CLSTN2: variants seen among roughly 807,000 people sequenced by gnomAD.
The protein encoded by CLSTN2 is calsyntenin-2.
CLSTN2 carries 48 observed loss-of-function variants against 101.2 expected under a neutral mutation model. The observed-to-expected ratio is 0.47, with a 90% CI of 0.38 to 0.60. The LOEUF (loss-of-function observed/expected upper bound fraction) is 0.60. Ranked by LOEUF, CLSTN2 falls within the 20% of genes least tolerant of loss-of-function variation. CLSTN2 has a pLI of 0.00. For missense variants in CLSTN2, 1,160 were observed against 1,238.2 expected, an observed-to-expected ratio of 0.94 and a Z score of 0.95; for synonymous variants, 481 against 463.6, an observed-to-expected ratio of 1.04 and a Z score of -0.48.
intron 4 of CLSTN2, among the ~76,000 whole-genome samples, chr3:140,407,389 G>A (rs913279831): frequency 6.6e-6 from 1 of 152,062 alleles, no homozygotes; most frequent in African/African-American, 2.4e-5. Flanking sequence ...ACACAATGTG[G>A]AGTCAACCTG....
chr3:140,344,460 G>T (rs551493444), intron 2 of CLSTN2, among the ~76,000 whole-genome samples: 1 of 152,278 alleles, frequency 6.6e-6, no homozygotes, highest in Non-Finnish European at 1.5e-5. Context: ...AGGAGAGTGT[G>T]TAAATATTTC....
chr3:140,340,021 C>T (rs748842315), intron 2 of CLSTN2, among the ~76,000 whole-genome samples: 8 of 152,126 alleles, frequency 5.3e-5, no homozygotes, highest in Non-Finnish European at 4.4e-5. Context: ...TGAAAATGAG[C>T]GCATGATCTT....
chr3:140,427,137 C>T (rs1487501252), intron 5 of CLSTN2, among the ~76,000 whole-genome samples: 1 of 139,860 alleles, frequency 7.2e-6, no homozygotes, highest in Admixed American at 7.1e-5. Flanking sequence ...TAGTGCGCCA[C>T]TGCACTCCTG....
intron 1 of CLSTN2, among the ~76,000 whole-genome samples, chr3:140,159,634 T>C (rs1011317923): frequency 2.0e-5 from 3 of 152,136 alleles, no homozygotes; most frequent in Middle Eastern, 6.8e-3. Flanking sequence ...AAAACAGAGG[T>C]ACCATTCGAC....
intron 2 of CLSTN2, among the ~76,000 whole-genome samples, chr3:140,259,516 T>A (rs2086632224): frequency 6.6e-6 from 1 of 152,094 alleles, no homozygotes; most frequent in East Asian, 1.9e-4. Flanking sequence ...ATATTTAAAG[T>A]ATGCAATTTG....
At chr3:140,266,392 G>C (rs557544513) in intron 2 of CLSTN2, among the ~76,000 whole-genome samples, 33 of 152,290 alleles carry the variant, frequency 2.2e-4, no homozygotes, top group Admixed American at 8.5e-4. Flanking sequence ...GATAGTAGTG[G>C]TTGTCTTGAT....
At chr3:139,996,974 G>GAGGTGGA (rs1314632266) in intron 1 of CLSTN2, among the ~76,000 whole-genome samples, 1 of 150,896 alleles carries the variant, frequency 6.6e-6, no homozygotes, top group East Asian at 2.0e-4. Context: ...TTGAACCCAG[G>GAGGTGGA]AGGCGGAAGT....
chr3:139,972,772 C>T (rs766279593), intron 1 of CLSTN2, among the ~76,000 whole-genome samples: 22 of 152,214 alleles, frequency 1.4e-4, no homozygotes, highest in African/African-American at 3.9e-4. Flanking sequence ...TGCTGCCTTC[C>T]GCCAGGAAGA....
chr3:140,074,461 T>C lies in CLSTN2; in HGVS notation c.110-101490T>C, dbSNP rs1247223585. Among the ~76,000 whole-genome samples the C allele has an allele frequency of 2.0e-5, 3 of 152,280 alleles. No individual in the cohort carries two copies. In the East Asian group the frequency reaches 5.8e-4, roughly 29 times the overall value. On this transcript the variant is annotated intron_variant, in intron 1 of 16. Transcript: ENST00000458420. ...GCTTAATAAATGACTGCCGAGCAGA[T>C]GGAGAGATGAGGGATGCCTTATTGT...
intron 1 of CLSTN2, among the ~76,000 whole-genome samples, chr3:140,161,718 C>T (rs2010049948): frequency 6.6e-6 from 1 of 151,924 alleles, no homozygotes; most frequent in Non-Finnish European, 1.5e-5. Context: ...TCCCCACTCT[C>T]TTCCTCCCCT....
intron 1 of CLSTN2, among the ~76,000 whole-genome samples, chr3:140,146,550 A>T (rs1281110614): frequency 6.6e-6 from 1 of 152,246 alleles, no homozygotes; most frequent in Non-Finnish European, 1.5e-5. Flanking sequence ...CAGGTAGGTA[A>T]TTCAGAGGAA....
Position 140,135,087 on chromosome 3 carries a change from A to ACACACACACAC in CLSTN2, c.110-40864_110-40863insCACACACACAC, listed in dbSNP as rs1553801553. On this transcript the variant is annotated intron_variant, in intron 1 of 16. Coordinates refer to ENST00000458420, the MANE Select transcript of CLSTN2 (RefSeq NM_022131.3). ...AGTCCAGGGTGATGCCTCTCAAAAA[A>ACACACACACAC]ACACACACACACACACACACACACA... 4.9e-4 allele frequency among the ~76,000 whole-genome samples: 25 copies of ACACACACACAC among 51,416 alleles called. 1 individual carries two copies. Among genetic ancestry groups the ACACACACACAC allele is most frequent in the Middle Eastern group, 0.017 (1 of 58 alleles). The allele number at this position is 51,416 out of a possible 152,430, so 33.7% of individuals were successfully genotyped here. A position where few individuals can be genotyped will look rare whatever the true frequency, so the allele number is the denominator to read the frequency against.
chr3:140,483,701 C>T (rs1482699420), intron 8 of CLSTN2, among the ~76,000 whole-genome samples: 1 of 151,980 alleles, frequency 6.6e-6, no homozygotes, highest in Non-Finnish European at 1.5e-5. Flanking sequence ...TATGTAATGG[C>T]CTTCTTTGTC....
intron 8 of CLSTN2, among the ~76,000 whole-genome samples, chr3:140,488,575 C>A (rs1934282470): frequency 6.8e-6 from 1 of 148,058 alleles, no homozygotes; most frequent in South Asian, 2.1e-4. Context: ...AGATGACTGA[C>A]TGAGATTTAG....
intron 1 of CLSTN2, among the ~76,000 whole-genome samples, chr3:140,088,360 G>A (rs2008714202): frequency 6.6e-6 from 1 of 152,138 alleles, no homozygotes; most frequent in Admixed American, 6.5e-5. Context: ...CTTCATTCTT[G>A]TGCAGACCAC....
At chr3:139,939,893 C>A (rs188666010) in intron 1 of CLSTN2, among the ~76,000 whole-genome samples, 1 of 152,336 alleles carries the variant, frequency 6.6e-6, no homozygotes, top group Admixed American at 6.5e-5. Context: ...CATCCTGAAA[C>A]GCCTGTGGTT....
chr3:140,564,038 C>T lies in CLSTN2; in HGVS notation c.2560C>T (p.Arg854Trp), dbSNP rs200345034. 4.8e-5 allele frequency: 77 copies of T among 1,614,132 alleles called. No homozygotes were observed. In the Admixed American group the frequency reaches 6.5e-4, roughly 14 times the overall value. ...GTTTGTCGTGGCCATGGGTGTGTAC[C>T]GGGTCCGGATCGCCCACCAGCACTT... is the stretch of plus-strand genomic sequence containing the variant. ...LVFVVAMGVY[R>W]VRIAHQHFIQ... Residue 854 changes from arginine to tryptophan, a missense_variant, in exon 16 of 17, where the codon CGG becomes TGG. Coordinates refer to ENST00000458420, the MANE Select transcript of CLSTN2 (RefSeq NM_022131.3).
rs988473042 is a variant in CLSTN2, at chr3:140,478,335, A to T, written c.1344+11604A>T. On this transcript the variant is annotated intron_variant, in intron 8 of 16. Coordinates refer to ENST00000458420, the MANE Select transcript of CLSTN2 (RefSeq NM_022131.3). Reference sequence around the variant, plus strand: ...CCATCTGAGGATGAAAACATCCAGAAAAAAAAAAAAAAAAAAGCTGTCCTT... The same window carrying T: ...CCATCTGAGGATGAAAACATCCAGATAAAAAAAAAAAAAAAAGCTGTCCTT... 7.2e-5 allele frequency among the ~76,000 whole-genome samples: 3 copies of T among 41,392 alleles called. No homozygotes were observed. In the African/African-American group the frequency reaches 7.5e-4, roughly 10 times the overall value. The allele number at this position is 41,392 out of a possible 152,430, so 27.2% of individuals were successfully genotyped here.
chr3:140,564,118 G>A lies in CLSTN2; in HGVS notation c.2640G>A (p.Ala880=), dbSNP rs779262795. The A allele has an allele frequency of 1.2e-5, 20 of 1,613,940 alleles. No homozygotes were observed. The highest frequency in any genetic ancestry group is 1.1e-4 in the East Asian group (5 of 44,884). ...CTGAGATGGACTGGGACGATTCTGC[G>A]CTGACTATCACAGTCAACCCCATGG... The part of the protein sequence containing the change: ...KESEMDWDDS[A]LTITVNPMEK... The change falls in exon 16 of 17, where the codon GCG becomes GCA. Residue 880 remains alanine, a synonymous_variant. Transcript: ENST00000458420.
Sources: allele counts gnomAD v4.1 joint callset (sites outside exome capture counted in the v4.1 genomes callset), GRCh38; gene constraint gnomAD v4.1.1; transcripts MANE v1.5; gene names NCBI Gene and HGNC (gene_info 2026-07-23, HGNC 2026-07-21).